FAM83F: variants seen among roughly 807,000 people sequenced by gnomAD.
The protein encoded by FAM83F is scaffolding CK1 anchoring protein F.
Under a neutral mutation model 42.9 loss-of-function variants are expected in FAM83F, and 45 were observed. The observed-to-expected ratio is 1.05, with a 90% CI of 0.83 to 1.35. The LOEUF is 1.35. FAM83F is among the 40% of genes most tolerant of loss of function. The pLI, the probability that FAM83F is intolerant of heterozygous loss-of-function variation, is 0.00. For missense variants in FAM83F, 617 were observed against 695.9 expected (o/e 0.89, Z 1.28); for synonymous variants, 306 against 298.3 (o/e 1.03, Z -0.27).
intron 4 of FAM83F, among the ~76,000 whole-genome samples, chr22:40,025,145 C>T (rs1481585627): frequency 6.6e-6 from 1 of 152,326 alleles, no homozygotes; most frequent in East Asian, 1.9e-4. Flanking sequence ...CGAGGCCAGG[C>T]GCGGTGGCTC....
intron 1 of FAM83F, among the ~76,000 whole-genome samples, chr22:40,004,163 G>T (rs973505416): frequency 6.6e-6 from 1 of 152,002 alleles, no homozygotes; most frequent in Non-Finnish European, 1.5e-5. Flanking sequence ...TCTAATGGGG[G>T]GTGACAAAAA....
intron 4 of FAM83F, among the ~76,000 whole-genome samples, chr22:40,026,049 G>A (rs2145722872): frequency 6.6e-6 from 1 of 152,328 alleles, no homozygotes; most frequent in Middle Eastern, 3.4e-3. Flanking sequence ...CCTCCTCGCT[G>A]CCATCCTGCC....
intron 1 of FAM83F, among the ~76,000 whole-genome samples, chr22:40,004,695 T>C (rs1055592052): frequency 5.9e-5 from 9 of 151,922 alleles, no homozygotes; most frequent in African/African-American, 2.2e-4. Context: ...TCTTCGACCT[T>C]CTAAAGTGCT....
chr22:40,014,014 ATTCTC>A (rs537365198), intron 1 of FAM83F, among the ~76,000 whole-genome samples: 65 of 151,452 alleles, frequency 4.3e-4, no homozygotes, highest in African/African-American at 9.7e-4. Context: ...ATTTTGCTGA[ATTCTC>A]TTATTAATTC....
At position 40,035,306 on chromosome 22, in the gene FAM83F, G is replaced by A. The variant is rs1013569628; in HGVS notation, c.*5741G>A. On this transcript the variant is annotated 3_prime_UTR_variant, in exon 5 of 5. Coordinates refer to ENST00000333407, the MANE Select transcript of FAM83F (RefSeq NM_138435.4). Reference sequence around the variant, plus strand: ...AGCTGGGGGAGGAAAGGAGCAAAAGGCAAGAACAGGCAGTATGTCCGCGGT... The same window carrying A: ...AGCTGGGGGAGGAAAGGAGCAAAAGACAAGAACAGGCAGTATGTCCGCGGT... The A allele has an allele frequency of 6.6e-6, 1 of 152,388 alleles. No individual in the cohort carries two copies. Among genetic ancestry groups the A allele is most frequent in the African/African-American group, 2.4e-5 (1 of 41,452 alleles). 9.4% of individuals were successfully genotyped at this position (152,388 alleles called of 1,614,324 possible). A position where few individuals can be genotyped will look rare whatever the true frequency, so the allele number is the denominator to read the frequency against.
At chr22:40,017,414 G>C (rs1385188958) in intron 1 of FAM83F, among the ~76,000 whole-genome samples, 1 of 151,904 alleles carries the variant, frequency 6.6e-6, no homozygotes, top group Admixed American at 6.6e-5. Context: ...TGTATTTTTA[G>C]TAGAGACAGG....
intron 1 of FAM83F, among the ~76,000 whole-genome samples, chr22:40,012,792 G>T: frequency 6.8e-6 from 1 of 146,782 alleles, no homozygotes; most frequent in East Asian, 2.1e-4. Context: ...CAAACAAAAG[G>T]GCCAGGCACG....
At chr22:40,004,590 A>G (rs2067418825) in intron 1 of FAM83F, among the ~76,000 whole-genome samples, 2 of 152,128 alleles carry the variant, frequency 1.3e-5, no homozygotes, top group Non-Finnish European at 2.9e-5. Context: ...GGTGTGAGCC[A>G]CCGCACCCAG....
rs2067425504 is a variant in FAM83F at position 40,005,932 on chromosome 22, C to T, written c.489+10401C>T. Among the ~76,000 whole-genome samples the T allele has an allele frequency of 2.0e-5, 3 of 152,158 alleles. No individual in the cohort carries two copies. In the South Asian group the frequency reaches 6.2e-4, roughly 31 times the overall value. The stretch of plus-strand genomic sequence containing the variant: ...TGCTGGGGTGGGGGCAGCCTCGCCT[C>T]CAAGTGGGGAACAAGACCCTGTTGT... On this transcript the variant is annotated intron_variant, in intron 1 of 4. Transcript: ENST00000333407.
Position 40,019,193 on chromosome 22 carries a change from T to A in FAM83F, c.515T>A (p.Phe172Tyr). The change falls in exon 2 of 5, where the codon TTC (phenylalanine) becomes TAC (tyrosine). Residue 172 changes from phenylalanine to tyrosine, a missense_variant. Transcript: ENST00000333407. The part of the protein sequence containing the change: ...QKVIAVVMDL[F>Y]TDGDIFQDIV... ...GTCATTGCTGTGGTCATGGACCTCT[T>A]CACTGATGGTGATATCTTTCAAGAC... 7 of 1,614,168 alleles carry A rather than the reference T, an allele frequency of 4.3e-6. No individual in the cohort carries two copies. The highest frequency in any genetic ancestry group is 5.9e-6 in the Non-Finnish European group (7 of 1,180,006).
In FAM83F at chr22:40,038,044, T is replaced by C. The variant is rs2067635306; in HGVS notation, c.*8479T>C. 6.6e-6 allele frequency: 1 copy of C among 152,286 alleles called. No individual in the cohort carries two copies. Among genetic ancestry groups the C allele is most frequent in the Non-Finnish European group, 1.5e-5 (1 of 68,064 alleles). The allele number at this position is 152,286 out of a possible 1,614,324, so 9.4% of individuals were successfully genotyped here. ...ACATTTAATTTTTTCATTCATTCAT[T>C]CGTTCATTCATTTGTTCAAACGAAC... On this transcript the variant is annotated 3_prime_UTR_variant, in exon 5 of 5. Coordinates refer to ENST00000333407, the MANE Select transcript of FAM83F (RefSeq NM_138435.4).
intron 1 of FAM83F, among the ~76,000 whole-genome samples, chr22:40,001,869 G>T (rs1410052641): frequency 6.6e-6 from 1 of 152,174 alleles, no homozygotes; most frequent in Non-Finnish European, 1.5e-5. Flanking sequence ...ATTAGAGGTA[G>T]GGGAATTGGG....
chr22:40,027,688 G>A (rs569044424), intron 4 of FAM83F, among the ~76,000 whole-genome samples: 6 of 152,374 alleles, frequency 3.9e-5, no homozygotes, highest in African/African-American at 1.2e-4. Flanking sequence ...TCCGGGGCTA[G>A]GAAATGAATT....
Position 39,995,707 on chromosome 22 carries a change from G to C in FAM83F, c.489+176G>C, listed in dbSNP as rs913858106. Among the ~76,000 whole-genome samples, 6 of 152,188 alleles carry C rather than the reference G, an allele frequency of 3.9e-5. No individual in the cohort carries two copies. The highest frequency in any genetic ancestry group is 1.4e-4 in the African/African-American group (6 of 41,446). On this transcript the variant is annotated intron_variant, in intron 1 of 4. Coordinates refer to ENST00000333407, the MANE Select transcript of FAM83F (RefSeq NM_138435.4). The surrounding 1 kb of genome is among the most constrained non-coding windows in gnomAD (Gnocchi z 4.6). ...TGAGGCCTGTAGAGCGAATGGCTGGGAACGTGTTTGGCAAATTACAAGGTG... is the reference window on the plus strand; with the variant it reads ...TGAGGCCTGTAGAGCGAATGGCTGGCAACGTGTTTGGCAAATTACAAGGTG...
intron 4 of FAM83F, 97 bp downstream of exon 4, chr22:40,022,060 G>A: frequency 9.1e-7 from 1 of 1,094,136 alleles, no homozygotes; most frequent in Non-Finnish European, 1.3e-6. Flanking sequence ...ACCTGCAGAG[G>A]AGTAGATTCC....
Position 39,995,094 on chromosome 22 carries a change from G to A in FAM83F, c.52G>A (p.Val18Met). ...CLDEAHVNEK[V>M]TEAQAAFYYC... is the part of the protein sequence containing the mutation. The stretch of plus-strand genomic sequence containing the variant: ...GGACGAGGCGCACGTGAACGAGAAG[G>A]TGACCGAGGCGCAGGCCGCCTTCTA... The change falls in exon 1 of 5, where the codon GTG (valine) becomes ATG (methionine). Residue 18 changes from valine to methionine, a missense_variant. By Grantham distance (21) the Val-to-Met change is conservative. Transcript: ENST00000333407. This position sits in a 1 kb window ranked among gnomAD's most constrained non-coding sequence, Gnocchi z 4.6. 1 of 1,355,614 alleles carries A rather than the reference G, an allele frequency of 7.4e-7. No homozygotes were observed. The highest frequency in any genetic ancestry group is 9.4e-7 in the Non-Finnish European group (1 of 1,062,212). 84.0% of individuals were successfully genotyped at this position (1,355,614 alleles called of 1,614,324 possible).
chr22:40,017,297 C>T (rs140792097), intron 1 of FAM83F, among the ~76,000 whole-genome samples: 319 of 146,850 alleles, frequency 2.2e-3, no homozygotes, highest in African/African-American at 6.9e-3. Context: ...GGTACAATCT[C>T]GGCTCACTGC....
intron 1 of FAM83F, 49 bp from the exon 2 acceptor site, chr22:40,019,119 T>C (rs1051604150): frequency 6.2e-7 from 1 of 1,601,346 alleles, no homozygotes; most frequent in Non-Finnish European, 8.5e-7. Flanking sequence ...GGCATGCCTC[T>C]GTGGGCGTGT....
intron 1 of FAM83F, among the ~76,000 whole-genome samples, chr22:40,011,817 G>A (rs930159074): frequency 1.3e-5 from 2 of 152,136 alleles, no homozygotes; most frequent in Non-Finnish European, 2.9e-5. Flanking sequence ...AAAGATGCAG[G>A]CAACATCTTT....
Sources: allele counts gnomAD v4.1 joint callset (sites outside exome capture counted in the v4.1 genomes callset), GRCh38; gene constraint gnomAD v4.1.1; non-coding constraint Gnocchi (gnomAD v3.1); transcripts MANE v1.5; gene names NCBI Gene and HGNC (gene_info 2026-07-23, HGNC 2026-07-21).